The following WDR76 variants were observed in gnomAD, a reference collection of about 807,000 sequenced individuals.
The protein encoded by WDR76 is WD repeat domain 76, also known as WD repeat-containing protein 76.
WDR76 carries 52 observed loss-of-function variants against 70.2 expected under a neutral mutation model. The ratio of observed to expected loss-of-function variants is 0.74; its 90% CI spans 0.59 to 0.93. WDR76 has a LOEUF of 0.93. Ranked by LOEUF, WDR76 falls within the 40% of genes least tolerant of loss-of-function variation. The pLI is 0.00. For missense variants in WDR76, 756 were observed against 760.2 expected, an observed-to-expected ratio of 0.99 and a Z score of 0.07; for synonymous variants, 292 against 271.1, an observed-to-expected ratio of 1.08 and a Z score of -0.76.
intron 12 of WDR76, 95 bp downstream of exon 12, chr15:43,861,481 A>G (rs1251483078): frequency 3.3e-6 from 4 of 1,202,608 alleles, no homozygotes; most frequent in Non-Finnish European, 4.9e-6. Context: ...AAGAGATGTA[A>G]TAGTCCTGAT....
At chr15:43,828,430 C>A in intron 2 of WDR76, 64 bp downstream of exon 2, 2 of 1,478,234 alleles carry the variant, frequency 1.4e-6, no homozygotes, top group South Asian at 2.7e-5. Flanking sequence ...TCTGATAAAT[C>A]GAAGTTTTTC....
chr15:43,863,559 T>TAAAA, intron 12 of WDR76, among the ~76,000 whole-genome samples: 1 of 139,108 alleles, frequency 7.2e-6, no homozygotes, highest in Non-Finnish European at 1.6e-5. Flanking sequence ...CTCTCTTTTT[T>TAAAA]AAAAAAAAAA....
chr15:43,835,635 G>T (rs1374046367), intron 3 of WDR76, among the ~76,000 whole-genome samples: 1 of 151,526 alleles, frequency 6.6e-6, no homozygotes, highest in Non-Finnish European at 1.5e-5. Context: ...GTACTCTGTT[G>T]ATTCTAAGGC....
At chr15:43,830,797 G>T (rs549857439) in intron 2 of WDR76, among the ~76,000 whole-genome samples, 10 of 151,868 alleles carry the variant, frequency 6.6e-5, no homozygotes, top group African/African-American at 2.4e-4. Context: ...CTGCACTCCC[G>T]GCACTTTGGG....
At chr15:43,848,239 C>CA (rs1360567118) in intron 8 of WDR76, among the ~76,000 whole-genome samples, 3 of 151,138 alleles carry the variant, frequency 2.0e-5, no homozygotes, top group Non-Finnish European at 2.9e-5. Flanking sequence ...GACCCTATCT[C>CA]AAAAAAAGAA....
At chr15:43,827,840 TG>T in intron 1 of WDR76, 124 bp from the exon 2 acceptor site, 1 of 1,086,802 alleles carries the variant, frequency 9.2e-7, no homozygotes, top group Non-Finnish European at 1.3e-6. Context: ...CCACTGCACC[TG>T]GCCTCAATTT....
intron 2 of WDR76, among the ~76,000 whole-genome samples, chr15:43,831,232 A>C (rs1006225126): frequency 6.6e-6 from 1 of 151,978 alleles, no homozygotes; most frequent in Non-Finnish European, 1.5e-5. Context: ...CTCTTGTTTT[A>C]AAAAAGTAAA....
intron 2 of WDR76, among the ~76,000 whole-genome samples, chr15:43,833,185 G>A (rs1468473044): frequency 6.6e-6 from 1 of 152,052 alleles, no homozygotes; most frequent in Admixed American, 6.6e-5. Flanking sequence ...ATTTTTTAGA[G>A]ATGGGGTCTC....
Position 43,827,060 on chromosome 15 carries a change from A to G in WDR76, c.28A>G (p.Lys10Glu), listed in dbSNP as rs768274445. 13 of 1,614,024 alleles carry G rather than the reference A, an allele frequency of 8.1e-6. No homozygotes were observed. The East Asian group carries it at 2.9e-4, about 36-fold the overall frequency. ...GTCCAGGTCGGGCGCGGCGGCTGAGAAGGCGGACTCCAGACAGCGACCCCA... is the reference window on the plus strand; with the variant it reads ...GTCCAGGTCGGGCGCGGCGGCTGAGGAGGCGGACTCCAGACAGCGACCCCA... MSRSGAAAE[K>E]ADSRQRPQMK... is the part of the protein sequence containing the mutation. Residue 10 changes from lysine (K) to glutamate (E), a missense_variant, in exon 1 of 13, where the codon AAG becomes GAG. Transcript: ENST00000263795.
At position 43,835,240 on chromosome 15, in the gene WDR76, G is replaced by T; in HGVS notation, c.552+90G>T. ...CTGTCACTTGGGGAGGCTGACATGG[G>T]AGAATCGCTTGAGGCCAGGAGTTCG... is the stretch of plus-strand genomic sequence containing the variant. On this transcript the variant is annotated intron_variant, in intron 3 of 12. Coordinates refer to ENST00000263795, the MANE Select transcript of WDR76 (RefSeq NM_024908.4). The T allele has an allele frequency of 3.3e-6, 4 of 1,227,414 alleles. No homozygotes were observed. In the East Asian group the frequency reaches 9.5e-5, roughly 29 times the overall value. The allele number at this position is 1,227,414 out of a possible 1,614,324, so 76.0% of individuals were successfully genotyped here.
Position 43,828,014 on chromosome 15 carries a change from C to G in WDR76, c.110C>G (p.Pro37Arg). Residue 37 changes from proline (P) to arginine (R), a missense_variant, in exon 2 of 13, where the codon CCA (proline) becomes CGA (arginine). Transcript: ENST00000263795. ...NQNIAYVSLR[P>R]AQTTVLIKTA... ...AACATCGCTTATGTGTCTCTGAGAC[C>G]AGCACAGACTACAGTTTTAATAAAA... 1.9e-6 allele frequency: 3 copies of G among 1,612,984 alleles called. No individual in the cohort carries two copies. The highest frequency in any genetic ancestry group is 2.5e-6 in the Non-Finnish European group (3 of 1,179,740).
At chr15:43,865,385 G>A (rs991067204) in intron 12 of WDR76, among the ~76,000 whole-genome samples, 62 of 152,218 alleles carry the variant, frequency 4.1e-4, no homozygotes, top group African/African-American at 1.4e-3. Context: ...TGATTCTCCG[G>A]CCTCAGCCTC....
At chr15:43,837,433 C>T (rs1224949023) in intron 4 of WDR76, among the ~76,000 whole-genome samples, 1 of 152,128 alleles carries the variant, frequency 6.6e-6, no homozygotes. Flanking sequence ...TTTTTATTAG[C>T]CAAGATTGGT....
At chr15:43,850,949 G>A (rs1385628868) in intron 8 of WDR76, 138 bp from the exon 9 acceptor site, 22 of 1,080,222 alleles carry the variant, frequency 2.0e-5, no homozygotes, top group Non-Finnish European at 2.7e-5. Flanking sequence ...TTGTGAAGGG[G>A]AGAGTGGTTA....
intron 9 of WDR76, among the ~76,000 whole-genome samples, 164 bp from the exon 10 acceptor site, chr15:43,856,782 C>G (rs1434467267): frequency 6.6e-6 from 1 of 151,982 alleles, no homozygotes; most frequent in Non-Finnish European, 1.5e-5. Context: ...CCCAAATACC[C>G]TGACTGTGTT....
chr15:43,858,709 G>C lies in WDR76; in HGVS notation c.1448G>C (p.Arg483Thr). The C allele has an allele frequency of 2.5e-6, 4 of 1,614,138 alleles. No homozygotes were observed. Among genetic ancestry groups the C allele is most frequent in the Non-Finnish European group, 3.4e-6 (4 of 1,180,024 alleles). The change falls in exon 11 of 13, where the codon AGG becomes ACG. Residue 483 changes from arginine to threonine, a missense_variant. Physicochemically the swap from Arg to Thr is moderately conservative, Grantham distance 71. Transcript: ENST00000263795. ...HIYDARRLNS[R>T]RSQPLISLTE... is the part of the protein sequence containing the mutation. Reference sequence around the variant, plus strand: ...TATGATGCAAGGCGATTGAATTCCAGGAGAAGTCAGCCTTTGATTTCTTTG... The same window carrying C: ...TATGATGCAAGGCGATTGAATTCCACGAGAAGTCAGCCTTTGATTTCTTTG...
chr15:43,840,922 T>C (rs185295088), intron 5 of WDR76, among the ~76,000 whole-genome samples: 46 of 151,902 alleles, frequency 3.0e-4, no homozygotes, highest in African/African-American at 8.0e-4. Flanking sequence ...TAAAAATATA[T>C]ATATATATTT....
chr15:43,860,206 T>C (rs1595454234), intron 11 of WDR76, among the ~76,000 whole-genome samples: 1 of 152,318 alleles, frequency 6.6e-6, no homozygotes, highest in South Asian at 2.1e-4. Flanking sequence ...GACGGTGCCA[T>C]TGCACTTCAG....
intron 2 of WDR76, among the ~76,000 whole-genome samples, chr15:43,828,718 T>C (rs1223969809): frequency 2.6e-5 from 4 of 152,158 alleles, no homozygotes; most frequent in African/African-American, 9.7e-5. Context: ...CATCAGTTTG[T>C]GGGACATGGT....
Sources: gnomAD v4.1 joint callset for allele counts (sites outside exome capture counted in the v4.1 genomes callset) on GRCh38, gnomAD v4.1.1 for gene constraint, MANE v1.5 for transcripts, NCBI Gene and HGNC (gene_info 2026-07-23, HGNC 2026-07-21) for gene names.